Variants in PLAC8 observed in about 807,000 individuals in gnomAD.
The protein encoded by PLAC8 is placenta-specific gene 8 protein.
Under a neutral mutation model 12.6 loss-of-function variants are expected in PLAC8, and 6 were observed. That is an observed-to-expected ratio of 0.48 (90% CI 0.26 to 0.94). The LOEUF (loss-of-function observed/expected upper bound fraction) is 0.94. Ranked by LOEUF, PLAC8 falls within the 40% of genes least tolerant of loss-of-function variation. The pLI is 0.14. For synonymous variants in PLAC8, 54 were observed against 52.6 expected (o/e 1.03, Z -0.11); for missense variants, 122 against 152.7 (o/e 0.80, Z 1.06).
intron 4 of PLAC8, among the ~76,000 whole-genome samples, chr4:83,091,714 G>A (rs1003567683): frequency 3.3e-5 from 5 of 152,104 alleles, no homozygotes; most frequent in African/African-American, 7.2e-5. Context: ...CCTTGAGGAA[G>A]GAGTATCTAC....
chr4:83,104,417 T>G (rs764055283), intron 3 of PLAC8, among the ~76,000 whole-genome samples: 3 of 152,186 alleles, frequency 2.0e-5, no homozygotes, highest in African/African-American at 4.8e-5. Context: ...AGTAATATAA[T>G]CTCTCACCTA....
At chr4:83,101,673 G>A (rs916617517) in intron 3 of PLAC8, among the ~76,000 whole-genome samples, 1 of 152,242 alleles carries the variant, frequency 6.6e-6, no homozygotes, top group African/African-American at 2.4e-5. Flanking sequence ...GTCCGTGCCT[G>A]TATTCAAAGG....
chr4:83,107,734 G>A, intron 2 of PLAC8, 70 bp downstream of exon 2: 1 of 766,914 alleles, frequency 1.3e-6, no homozygotes, highest in Non-Finnish European at 2.0e-6. Context: ...AGGGAGGAAT[G>A]GGGGAAGGAT....
At chr4:83,102,474 G>A (rs370979707) in intron 3 of PLAC8, among the ~76,000 whole-genome samples, 21 of 152,288 alleles carry the variant, frequency 1.4e-4, no homozygotes, top group Admixed American at 7.8e-4. Context: ...GGGAGGGGAA[G>A]GCTGCAGTGA....
In PLAC8 at chr4:83,105,004, A is replaced by C. The variant is rs1053312045; in HGVS notation, c.135T>G (p.Phe45Leu). ...CTTGACACCCAAGGCACGGGAAACAAAATGTGCCACAGAGACCTAGACACA... is the reference window on the plus strand; with the variant it reads ...CTTGACACCCAAGGCACGGGAAACACAATGTGCCACAGAGACCTAGACACA... ...SDCGVCLCGT[F>L]CFPCLGCQVA... The change falls in exon 3 of 5, where the codon TTT becomes TTG. Residue 45 changes from phenylalanine to leucine, a missense_variant. Transcript: ENST00000311507. The C allele has an allele frequency of 1.1e-5, 17 of 1,614,010 alleles. No individual in the cohort carries two copies. Among genetic ancestry groups the C allele is most frequent in the African/African-American group, 6.7e-5 (5 of 74,910 alleles).
At chr4:83,113,640 C>T (rs183617960) in intron 1 of PLAC8, among the ~76,000 whole-genome samples, 107 of 152,078 alleles carry the variant, frequency 7.0e-4, no homozygotes, top group Non-Finnish European at 5.7e-4. Flanking sequence ...CATCTTTAAC[C>T]CCACAGGAGC....
At chr4:83,098,803 A>G (rs1732011854) in intron 3 of PLAC8, among the ~76,000 whole-genome samples, 1 of 151,224 alleles carries the variant, frequency 6.6e-6, no homozygotes, top group African/African-American at 2.4e-5. Flanking sequence ...TTGGGATTCT[A>G]TTTTGTGATA....
At chr4:83,099,348 A>T (rs1472571325) in intron 3 of PLAC8, among the ~76,000 whole-genome samples, 2 of 152,016 alleles carry the variant, frequency 1.3e-5, no homozygotes, top group Admixed American at 6.6e-5. Flanking sequence ...TGCATCAAGC[A>T]AGTCTAAGGG....
chr4:83,093,483 T>C (rs1376614738), intron 4 of PLAC8: 1 of 152,238 alleles, frequency 6.6e-6, no homozygotes. Context: ...CTCCCTACAA[T>C]GCCCCACCCA....
rs1425906662 is a variant in PLAC8 at position 83,100,214 on chromosome 4, G to C, written c.243+4682C>G. Among the ~76,000 whole-genome samples the C allele has an allele frequency of 2.0e-5, 3 of 149,960 alleles. No individual in the cohort carries two copies. In the East Asian group the frequency reaches 5.9e-4, roughly 30 times the overall value. On this transcript the variant is annotated intron_variant, in intron 3 of 4. Transcript: ENST00000311507. ...GAGAATGGCGTGAACCCAGGAGGTGGAGCTTGCAGTGAGCCAAGATCGTGC... is the reference window on the plus strand; with the variant it reads ...GAGAATGGCGTGAACCCAGGAGGTGCAGCTTGCAGTGAGCCAAGATCGTGC...
chr4:83,098,009 C>T (rs1424230618), intron 3 of PLAC8, among the ~76,000 whole-genome samples: 1 of 151,928 alleles, frequency 6.6e-6, no homozygotes, highest in Non-Finnish European at 1.5e-5. Context: ...CAGGTGCGCG[C>T]CATCATGCTC....
chr4:83,107,964 G>A lies in PLAC8; in HGVS notation c.-29-14C>T, dbSNP rs1732303403. The A allele has an allele frequency of 1.7e-6, 1 of 572,316 alleles. No homozygotes were observed. Among genetic ancestry groups the A allele is most frequent in the Non-Finnish European group, 2.6e-6 (1 of 385,288 alleles). 35.5% of individuals were successfully genotyped at this position (572,316 alleles called of 1,614,324 possible). A position where few individuals can be genotyped will look rare whatever the true frequency, so the allele number is the denominator to read the frequency against. On this transcript the variant is annotated splice_polypyrimidine_tract_variant and intron_variant, in intron 1 of 4. Transcript: ENST00000311507. ...AAAAGCAGTGGACTGAAAAGGCAGA[G>A]TGGTGTTAGAAATCTCTGTTGTGGG...
chr4:83,102,572 G>A (rs1041767815), intron 3 of PLAC8, among the ~76,000 whole-genome samples: 1 of 151,980 alleles, frequency 6.6e-6, no homozygotes, highest in Non-Finnish European at 1.5e-5. Context: ...CATGATTCCT[G>A]GGGGGAGATC....
At position 83,092,479 on chromosome 4, in the gene PLAC8, G is replaced by A. The variant is rs1260769100; in HGVS notation, c.*10-1508C>T. Reference sequence around the variant, plus strand: ...TGGTGCTGAACTCCTGAGCTCAAGTGATCCTCCCACCTCGGTCTCCCAAAG... The same window carrying A: ...TGGTGCTGAACTCCTGAGCTCAAGTAATCCTCCCACCTCGGTCTCCCAAAG... On this transcript the variant is annotated intron_variant, in intron 4 of 4. Transcript: ENST00000311507. Among the ~76,000 whole-genome samples, 11 of 152,074 alleles carry A rather than the reference G, an allele frequency of 7.2e-5. No individual in the cohort carries two copies. In the East Asian group the frequency reaches 2.1e-3, roughly 30 times the overall value.
intron 1 of PLAC8, among the ~76,000 whole-genome samples, chr4:83,112,343 A>G (rs1732444360): frequency 6.6e-6 from 1 of 151,848 alleles, no homozygotes; most frequent in African/African-American, 2.4e-5. Context: ...AACAGTCAAC[A>G]TTGTATGTTT....
At chr4:83,099,236 C>CAT (rs952549707) in intron 3 of PLAC8, among the ~76,000 whole-genome samples, 57 of 147,260 alleles carry the variant, frequency 3.9e-4, no homozygotes, top group Non-Finnish European at 7.4e-4. Context: ...TCAGCTATAA[C>CAT]TTTTTTTTTT....
chr4:83,097,957 C>A (rs1731985753), intron 3 of PLAC8, among the ~76,000 whole-genome samples: 1 of 148,446 alleles, frequency 6.7e-6, no homozygotes, highest in South Asian at 2.1e-4. Context: ...CTCCCGGGTT[C>A]AAGTGATTCT....
chr4:83,104,785 A>G (rs780362327), intron 3 of PLAC8, 111 bp downstream of exon 3: 10 of 1,158,026 alleles, frequency 8.6e-6, no homozygotes, highest in Non-Finnish European at 1.3e-5. Flanking sequence ...ATGCTAGGGA[A>G]CTCTTATCAA....
At chr4:83,091,376 G>A (rs116293948) in intron 4 of PLAC8, among the ~76,000 whole-genome samples, 30 of 152,262 alleles carry the variant, frequency 2.0e-4, no homozygotes, top group African/African-American at 6.7e-4. Flanking sequence ...GGAGTAGTCA[G>A]GTATTTTGTG....
Sources: gnomAD v4.1 joint callset for allele counts (sites outside exome capture counted in the v4.1 genomes callset) on GRCh38, gnomAD v4.1.1 for gene constraint, MANE v1.5 for transcripts, NCBI Gene and HGNC (gene_info 2026-07-23, HGNC 2026-07-21) for gene names.